The following GLIS1 variants were observed in gnomAD, a reference collection of about 807,000 sequenced individuals.
GLIS1 encodes GLIS family zinc finger 1, also known as zinc finger protein GLIS1.
A neutral mutation model predicts 63.8 loss-of-function variants in GLIS1; 24 were observed. That is an observed-to-expected ratio of 0.38 (90% CI 0.27 to 0.53). The LOEUF is 0.53. Among genes scored for constraint, GLIS1 ranks in the 20% least tolerant of loss-of-function variants. The pLI is 0.85. For synonymous variants in GLIS1, 450 were observed against 482.5 expected (o/e 0.93, Z 0.88); for missense variants, 1,036 against 1,074.1 (o/e 0.96, Z 0.50).
At chr1:53,662,103 C>T (rs551575200) in intron 2 of GLIS1, among the ~76,000 whole-genome samples, 9 of 152,210 alleles carry the variant, frequency 5.9e-5, no homozygotes, top group African/African-American at 1.7e-4. Flanking sequence ...AAAGGCTTAA[C>T]GGAAAACAAA....
At chr1:53,735,344 T>C (rs1407974249) in intron 2 of GLIS1, among the ~76,000 whole-genome samples, 1 of 152,222 alleles carries the variant, frequency 6.6e-6, no homozygotes, top group Non-Finnish European at 1.5e-5. Context: ...TAAAAGTGCC[T>C]CCTTCTACCT....
chr1:53,564,148 CG>C (rs1644915715), intron 4 of GLIS1, among the ~76,000 whole-genome samples: 1 of 152,036 alleles, frequency 6.6e-6, no homozygotes, highest in African/African-American at 2.4e-5. Flanking sequence ...CTCTAATGCA[CG>C]GGGTTGAAGA....
chr1:53,615,856 C>T (rs1205350809), intron 2 of GLIS1, among the ~76,000 whole-genome samples: 1 of 152,020 alleles, frequency 6.6e-6, no homozygotes, highest in African/African-American at 2.4e-5. Context: ...CAAGCAATAA[C>T]TCATGCCTCA....
In GLIS1 at chr1:53,526,461, G is replaced by A. The variant is rs1004518622; in HGVS notation, c.1483-1574C>T. Among the ~76,000 whole-genome samples the A allele has an allele frequency of 2.0e-5, 3 of 152,082 alleles. No individual in the cohort carries two copies. Among genetic ancestry groups the A allele is most frequent in the South Asian group, 2.1e-4 (1 of 4,824 alleles). On this transcript the variant is annotated intron_variant, in intron 5 of 10. Coordinates refer to ENST00000628545, the MANE Select transcript of GLIS1 (RefSeq NM_001367484.1). The surrounding 1 kb of genome is among the most constrained non-coding windows in gnomAD (Gnocchi z 4.4). ...CTGGGAGGGAGAGCGGAGGCCTGCC[G>A]CGGATGGCCCCTGCTGCCCCCAGCC... is the stretch of plus-strand genomic sequence containing the variant.
intron 2 of GLIS1, among the ~76,000 whole-genome samples, chr1:53,684,573 G>A (rs947233635): frequency 1.3e-5 from 2 of 152,144 alleles, no homozygotes; most frequent in South Asian, 2.1e-4. Flanking sequence ...AAGAAATGGA[G>A]GGCCCTCCAG....
intron 6 of GLIS1, among the ~76,000 whole-genome samples, chr1:53,521,885 C>T (rs1644413068): frequency 6.6e-6 from 1 of 152,254 alleles, no homozygotes; most frequent in Non-Finnish European, 1.5e-5. Flanking sequence ...CAGGGAAATC[C>T]CAAAGCTTGG....
At chr1:53,553,423 T>C (rs1644783007) in intron 4 of GLIS1, among the ~76,000 whole-genome samples, 2 of 151,926 alleles carry the variant, frequency 1.3e-5, no homozygotes. Context: ...CCATCCACCA[T>C]CCATAAACTA....
chr1:53,564,162 G>T (rs1217597210), intron 4 of GLIS1, among the ~76,000 whole-genome samples: 1 of 152,108 alleles, frequency 6.6e-6, no homozygotes, highest in East Asian at 1.9e-4. Flanking sequence ...GTTGAAGAAA[G>T]GCCAGAACTA....
intron 1 of GLIS1, among the ~76,000 whole-genome samples, chr1:53,738,646 G>T (rs1475497048): frequency 6.6e-6 from 1 of 152,184 alleles, no homozygotes; most frequent in East Asian, 1.9e-4. Context: ...GCGACCACCC[G>T]AACCTGGAAA....
chr1:53,606,658 G>A (rs2100562824), intron 2 of GLIS1, among the ~76,000 whole-genome samples: 1 of 152,366 alleles, frequency 6.6e-6, no homozygotes, highest in African/African-American at 2.4e-5. Context: ...GGAGCAGCAG[G>A]AAGGTGGACA....
intron 2 of GLIS1, among the ~76,000 whole-genome samples, chr1:53,730,816 TA>T (rs1043947725): frequency 2.9e-4 from 44 of 152,234 alleles, no homozygotes; most frequent in Middle Eastern, 3.4e-3. Flanking sequence ...TTACCTTCCA[TA>T]GGGGGGGTCA....
intron 10 of GLIS1, among the ~76,000 whole-genome samples, chr1:53,507,214 C>A (rs1644243843): frequency 6.6e-6 from 1 of 152,190 alleles, no homozygotes; most frequent in South Asian, 2.1e-4. Context: ...AGAAGGCCAC[C>A]AGCATTTACT....
chr1:53,698,235 A>T (rs1646486949), intron 2 of GLIS1, among the ~76,000 whole-genome samples: 1 of 152,198 alleles, frequency 6.6e-6, no homozygotes, highest in Admixed American at 6.5e-5. Context: ...TCTGAAGACA[A>T]ATGCAACAGG....
intron 2 of GLIS1, among the ~76,000 whole-genome samples, chr1:53,726,865 C>T (rs192208980): frequency 1.3e-5 from 2 of 152,334 alleles, no homozygotes; most frequent in South Asian, 2.1e-4. Flanking sequence ...GAATAAAGTA[C>T]TACAGTGCAG....
chr1:53,615,369 G>A (rs1345487784), intron 2 of GLIS1, among the ~76,000 whole-genome samples: 1 of 152,154 alleles, frequency 6.6e-6, no homozygotes, highest in Non-Finnish European at 1.5e-5. Context: ...CATCTCCCAG[G>A]CTCCCCATGT....
chr1:53,658,325 G>C (rs1645989118), intron 2 of GLIS1, among the ~76,000 whole-genome samples: 1 of 152,212 alleles, frequency 6.6e-6, no homozygotes, highest in Admixed American at 6.5e-5. Flanking sequence ...GCTTGAGGAA[G>C]GGACAGAGGC....
chr1:53,606,944 GCCAGC>G (rs1344632895), intron 2 of GLIS1, among the ~76,000 whole-genome samples: 2 of 152,128 alleles, frequency 1.3e-5, no homozygotes, highest in African/African-American at 4.8e-5. Context: ...AGACACCCGA[GCCAGC>G]CCATAGCTCC....
intron 2 of GLIS1, among the ~76,000 whole-genome samples, chr1:53,614,161 G>A (rs1253988890): frequency 6.6e-6 from 1 of 152,184 alleles, no homozygotes; most frequent in Non-Finnish European, 1.5e-5. Context: ...AATGAGAAAG[G>A]AAAGTCTCTA....
intron 2 of GLIS1, among the ~76,000 whole-genome samples, chr1:53,606,155 T>G (rs978207865): frequency 1.3e-5 from 2 of 152,232 alleles, no homozygotes; most frequent in African/African-American, 4.8e-5. Flanking sequence ...TCTGGCATGG[T>G]GCCTGGCACA....
Sources: gnomAD v4.1 joint callset for allele counts (sites outside exome capture counted in the v4.1 genomes callset) on GRCh38, gnomAD v4.1.1 for gene constraint, Gnocchi (gnomAD v3.1) non-coding constraint, MANE v1.5 for transcripts, NCBI Gene and HGNC (gene_info 2026-07-23, HGNC 2026-07-21) for gene names.